Variants in ZNF609 observed in about 807,000 individuals in gnomAD.
The protein encoded by ZNF609 is zinc finger protein 609.
A neutral mutation model predicts 109.5 loss-of-function variants in ZNF609; 11 were observed. The observed-to-expected ratio is 0.10, with a 90% CI of 0.06 to 0.17. The LOEUF is 0.17. Ranked by LOEUF, ZNF609 falls within the 10% of genes least tolerant of loss-of-function variation. ZNF609 has a pLI of 1.00. For missense variants in ZNF609, 1,559 were observed against 1,772.4 expected (o/e 0.88, Z 2.16); for synonymous variants, 646 against 662.0 (o/e 0.98, Z 0.37).
chr15:64,472,412 T>C (rs1893104205), intron 1 of ZNF609, among the ~76,000 whole-genome samples: 1 of 152,142 alleles, frequency 6.6e-6, no homozygotes, highest in Non-Finnish European at 1.5e-5. Flanking sequence ...TGTAGTTCAG[T>C]ATTTGTGGAG....
chr15:64,629,943 TAC>T (rs1480387874), intron 3 of ZNF609, among the ~76,000 whole-genome samples: 1 of 152,208 alleles, frequency 6.6e-6, no homozygotes, highest in African/African-American at 2.4e-5. Flanking sequence ...TTTTGCCTAA[TAC>T]AGTTTCACTG....
chr15:64,507,391 CCTGCCA>C (rs2140355507), intron 2 of ZNF609, among the ~76,000 whole-genome samples: 1 of 152,280 alleles, frequency 6.6e-6, no homozygotes, highest in African/African-American at 2.4e-5. Context: ...CAGCTGAGAT[CCTGCCA>C]CTGCTGGCTG....
chr15:64,525,090 T>C (rs1187209585), intron 2 of ZNF609, among the ~76,000 whole-genome samples: 1 of 152,258 alleles, frequency 6.6e-6, no homozygotes, highest in East Asian at 1.9e-4. Context: ...CATCTTTTCA[T>C]GTGCTTATGT....
intron 2 of ZNF609, among the ~76,000 whole-genome samples, chr15:64,599,641 CT>C (rs527596503): frequency 8.7e-4 from 133 of 152,230 alleles, no homozygotes; most frequent in African/African-American, 3.0e-3. Context: ...TTCAATCTCT[CT>C]AGTTTACTCC....
intron 3 of ZNF609, among the ~76,000 whole-genome samples, chr15:64,644,958 CTTTT>C (rs1738453139): frequency 6.9e-6 from 1 of 145,522 alleles, no homozygotes; most frequent in Non-Finnish European, 1.5e-5. Context: ...CTCTCTCTTT[CTTTT>C]CTTTTCTTCT....
At chr15:64,613,014 A>C in intron 2 of ZNF609, among the ~76,000 whole-genome samples, 1 of 151,856 alleles carries the variant, frequency 6.6e-6, no homozygotes, top group East Asian at 1.9e-4. Context: ...GACTCTGTCT[A>C]AAACACAGAA....
intron 3 of ZNF609, chr15:64,654,062 CAG>C (rs1281625759): frequency 6.6e-5 from 10 of 152,182 alleles, no homozygotes; most frequent in African/African-American, 2.4e-4. Context: ...TATTTAGAGA[CAG>C]AGTCTCACTC....
intron 2 of ZNF609, among the ~76,000 whole-genome samples, chr15:64,601,097 T>G (rs1895490928): frequency 6.6e-6 from 1 of 152,210 alleles, no homozygotes; most frequent in Non-Finnish European, 1.5e-5. Flanking sequence ...GATTTGGCCC[T>G]CTTGTTCCTG....
Position 64,579,059 on chromosome 15 carries a change from A to T in ZNF609, c.748-43768A>T, listed in dbSNP as rs116871495. ...TTTTTTAAAAATTAAAAAAATTTTC[A>T]TTAAAAATTATAAAACAAAAAAGAT... is the stretch of plus-strand genomic sequence containing the variant. On this transcript the variant is annotated intron_variant, in intron 2 of 9. Coordinates refer to ENST00000326648, the MANE Select transcript of ZNF609 (RefSeq NM_015042.2). Among the ~76,000 whole-genome samples the T allele has an allele frequency of 1.1e-4, 16 of 150,982 alleles. No individual in the cohort carries two copies. In the East Asian group the frequency reaches 3.1e-3, roughly 29 times the overall value.
At chr15:64,636,536 T>C (rs900703188) in intron 3 of ZNF609, among the ~76,000 whole-genome samples, 1 of 152,244 alleles carries the variant, frequency 6.6e-6, no homozygotes, top group African/African-American at 2.4e-5. Context: ...ACTCTGATTA[T>C]CCCTACCTTT....
At chr15:64,539,741 C>A (rs543055812) in intron 2 of ZNF609, among the ~76,000 whole-genome samples, 3 of 151,838 alleles carry the variant, frequency 2.0e-5, no homozygotes. Flanking sequence ...TGACCATGTG[C>A]CTCAGTCTCC....
intron 2 of ZNF609, among the ~76,000 whole-genome samples, chr15:64,598,364 C>T (rs1277887091): frequency 6.6e-6 from 1 of 152,138 alleles, no homozygotes; most frequent in Non-Finnish European, 1.5e-5. Flanking sequence ...GATCCACCTG[C>T]TTCAACCTCC....
At chr15:64,634,777 G>C (rs1438905225) in intron 3 of ZNF609, among the ~76,000 whole-genome samples, 2 of 152,080 alleles carry the variant, frequency 1.3e-5, no homozygotes, top group Non-Finnish European at 2.9e-5. Flanking sequence ...AAAGAGCCTA[G>C]CAGCCATTGT....
chr15:64,676,286 T>C (rs755258828), intron 5 of ZNF609, 30 bp downstream of exon 5: 10 of 1,558,508 alleles, frequency 6.4e-6, no homozygotes, highest in Non-Finnish European at 8.7e-6. Context: ...GAAGTGGAAA[T>C]ACCGTATGGT....
chr15:64,485,013 C>T (rs1596380090), intron 1 of ZNF609, among the ~76,000 whole-genome samples: 1 of 152,078 alleles, frequency 6.6e-6, no homozygotes, highest in Non-Finnish European at 1.5e-5. Context: ...GTAAGATATT[C>T]CTCGCAAAAT....
intron 1 of ZNF609, among the ~76,000 whole-genome samples, chr15:64,496,025 G>T (rs1023220783): frequency 6.6e-6 from 1 of 151,906 alleles, no homozygotes; most frequent in African/African-American, 2.4e-5. Context: ...CACCATGTTG[G>T]CCAGGCTGGT....
At chr15:64,526,678 A>G (rs1223250297) in intron 2 of ZNF609, among the ~76,000 whole-genome samples, 1 of 152,112 alleles carries the variant, frequency 6.6e-6, no homozygotes, top group African/African-American at 2.4e-5. Flanking sequence ...CAGTGGCACA[A>G]TCACAGCTTA....
chr15:64,531,311 G>A (rs1423750997), intron 2 of ZNF609, among the ~76,000 whole-genome samples: 4 of 152,144 alleles, frequency 2.6e-5, no homozygotes, highest in Non-Finnish European at 5.9e-5. Context: ...CCTATGAACT[G>A]CCCAGAGGAT....
intron 1 of ZNF609, among the ~76,000 whole-genome samples, chr15:64,464,141 T>A (rs1892979371): frequency 6.6e-6 from 1 of 152,188 alleles, no homozygotes; most frequent in South Asian, 2.1e-4. Flanking sequence ...GAGGCATAAT[T>A]TTGGCTCCTG....
Sources: gnomAD v4.1 joint callset for allele counts (sites outside exome capture counted in the v4.1 genomes callset) on GRCh38, gnomAD v4.1.1 for gene constraint, MANE v1.5 for transcripts, NCBI Gene and HGNC (gene_info 2026-07-23, HGNC 2026-07-21) for gene names.